The following ARHGEF28 variants were observed in gnomAD, a reference collection of about 807,000 sequenced individuals.
ARHGEF28 encodes 190 kDa guanine nucleotide exchange factor.
In ARHGEF28, 152 loss-of-function variants were observed where a neutral mutation model predicts 206.6. The observed-to-expected ratio is 0.74, with a 90% CI of 0.64 to 0.84. The LOEUF (loss-of-function observed/expected upper bound fraction) is 0.84. Ranked by LOEUF, ARHGEF28 falls within the 40% of genes least tolerant of loss-of-function variation. ARHGEF28 has a pLI of 0.00. For missense variants in ARHGEF28, 2,028 were observed against 2,073.2 expected (o/e 0.98, Z 0.42); for synonymous variants, 763 against 776.4 (o/e 0.98, Z 0.29).
chr5:73,627,497 T>G (rs1395777098), intron 1 of ARHGEF28, among the ~76,000 whole-genome samples: 2 of 152,178 alleles, frequency 1.3e-5, no homozygotes, highest in Non-Finnish European at 1.5e-5. Context: ...CCAAGCGTAG[T>G]GATGACTTCT....
chr5:73,800,623 A>G (rs1395879357), intron 9 of ARHGEF28, among the ~76,000 whole-genome samples: 1 of 152,066 alleles, frequency 6.6e-6, no homozygotes, highest in East Asian at 1.9e-4. Flanking sequence ...ACCCAACTTC[A>G]TACCAAAAAA....
At chr5:73,648,873 T>C (rs1036733838) in intron 1 of ARHGEF28, among the ~76,000 whole-genome samples, 4 of 152,202 alleles carry the variant, frequency 2.6e-5, no homozygotes, top group Non-Finnish European at 5.9e-5. Flanking sequence ...CTCCTTTCCA[T>C]GAATGGTTCT....
At chr5:73,642,195 T>A (rs1409732126) in intron 1 of ARHGEF28, among the ~76,000 whole-genome samples, 1 of 152,250 alleles carries the variant, frequency 6.6e-6, no homozygotes, top group Non-Finnish European at 1.5e-5. Context: ...CCTCTACATT[T>A]GCAGATTTGT....
intron 9 of ARHGEF28, among the ~76,000 whole-genome samples, chr5:73,805,214 A>G (rs1299768728): frequency 6.6e-6 from 1 of 152,048 alleles, no homozygotes; most frequent in Non-Finnish European, 1.5e-5. Context: ...TTAGGGTGGT[A>G]AAGGTGTTCT....
intron 10 of ARHGEF28, among the ~76,000 whole-genome samples, chr5:73,840,068 C>T (rs1016604625): frequency 6.6e-6 from 1 of 152,126 alleles, no homozygotes; most frequent in Non-Finnish European, 1.5e-5. Flanking sequence ...GTTGGTCTTC[C>T]TTTATGTGAA....
chr5:73,695,202 A>C (rs764739523), intron 2 of ARHGEF28, among the ~76,000 whole-genome samples: 3 of 152,194 alleles, frequency 2.0e-5, no homozygotes, highest in Non-Finnish European at 4.4e-5. Context: ...GGTCATGCCC[A>C]TAGGTTGGTG....
At chr5:73,641,575 CT>C (rs1744106501) in intron 1 of ARHGEF28, among the ~76,000 whole-genome samples, 1 of 152,112 alleles carries the variant, frequency 6.6e-6, no homozygotes, top group East Asian at 1.9e-4. Context: ...AAGGATATGG[CT>C]TTTTAATATA....
At chr5:73,641,145 G>A (rs1744066038) in intron 1 of ARHGEF28, among the ~76,000 whole-genome samples, 1 of 152,190 alleles carries the variant, frequency 6.6e-6, no homozygotes, top group South Asian at 2.1e-4. Flanking sequence ...TAGAGGATAA[G>A]ACCACTTGAG....
chr5:73,894,299 G>A (rs1481930614), intron 28 of ARHGEF28, 94 bp from the exon 29 acceptor site: 1 of 1,295,796 alleles, frequency 7.7e-7, no homozygotes, highest in Non-Finnish European at 1.1e-6. Context: ...AGGTCTTACT[G>A]CTTGCTAATT....
At chr5:73,857,004 G>T (rs930672386) in intron 14 of ARHGEF28, among the ~76,000 whole-genome samples, 1 of 152,074 alleles carries the variant, frequency 6.6e-6, no homozygotes, top group African/African-American at 2.4e-5. Flanking sequence ...AAAATAAACG[G>T]TGTTCAGGGT....
At chr5:73,845,150 T>C (rs1050040622) in intron 11 of ARHGEF28, among the ~76,000 whole-genome samples, 2 of 151,388 alleles carry the variant, frequency 1.3e-5, no homozygotes, top group African/African-American at 2.4e-5. Context: ...CCCAAGTAGC[T>C]GGGATTACAG....
chr5:73,712,207 T>C (rs1175176600), intron 2 of ARHGEF28, among the ~76,000 whole-genome samples: 1 of 152,230 alleles, frequency 6.6e-6, no homozygotes, highest in African/African-American at 2.4e-5. Flanking sequence ...TGATAAGTTT[T>C]ATATTTATGT....
intron 7 of ARHGEF28, 93 bp from the exon 8 acceptor site, chr5:73,794,309 C>A: frequency 1.9e-6 from 2 of 1,042,904 alleles, no homozygotes; most frequent in Non-Finnish European, 1.4e-6. Context: ...CAGAAGGCTC[C>A]TGGGCAACTC....
chr5:73,849,680 G>C (rs911828821), intron 13 of ARHGEF28, among the ~76,000 whole-genome samples: 1 of 151,928 alleles, frequency 6.6e-6, no homozygotes, highest in Non-Finnish European at 1.5e-5. Flanking sequence ...TCATAAATAT[G>C]CATCTTGAAT....
At position 73,813,393 on chromosome 5, in the gene ARHGEF28, G is replaced by T. The variant is rs573903412; in HGVS notation, c.1024+18002G>T. 7.1e-6 allele frequency: 8 copies of T among 1,124,672 alleles called. No homozygotes were observed. The East Asian group carries it at 2.0e-4, about 28-fold the overall frequency. The allele number at this position is 1,124,672 out of a possible 1,614,324, so 69.7% of individuals were successfully genotyped here. A position where few individuals can be genotyped will look rare whatever the true frequency, so the allele number is the denominator to read the frequency against. On this transcript the variant is annotated intron_variant, in intron 9 of 35. Transcript: ENST00000513042. ...TGGCTTTAATATTTACAGCCTCCTT[G>T]TCGGTCTACACGCCTGAATGCCCGA...
intron 1 of ARHGEF28, among the ~76,000 whole-genome samples, chr5:73,676,069 C>CTTTTT (rs70973270): frequency 1.5e-4 from 17 of 115,150 alleles, no homozygotes; most frequent in Non-Finnish European, 1.9e-4. Flanking sequence ...ATTTTCTTTT[C>CTTTTT]TTTTTTTTTT....
chr5:73,645,441 G>T (rs539622577), intron 1 of ARHGEF28, among the ~76,000 whole-genome samples: 1 of 152,198 alleles, frequency 6.6e-6, no homozygotes, highest in South Asian at 2.1e-4. Flanking sequence ...TAGCCAAAAT[G>T]AGTATGTAAG....
chr5:73,672,185 AT>A (rs1323057372), intron 1 of ARHGEF28, among the ~76,000 whole-genome samples: 1 of 152,056 alleles, frequency 6.6e-6, no homozygotes, highest in Non-Finnish European at 1.5e-5. Flanking sequence ...AAGTCTATTC[AT>A]TTTTGTCACA....
At chr5:73,759,018 A>G (rs552047016) in intron 4 of ARHGEF28, among the ~76,000 whole-genome samples, 26 of 152,204 alleles carry the variant, frequency 1.7e-4, no homozygotes, top group Non-Finnish European at 3.7e-4. Flanking sequence ...GAACTCTTCT[A>G]TAGGAATGTT....
Sources: allele counts gnomAD v4.1 joint callset (sites outside exome capture counted in the v4.1 genomes callset), GRCh38; gene constraint gnomAD v4.1.1; transcripts MANE v1.5; gene names NCBI Gene and HGNC (gene_info 2026-07-23, HGNC 2026-07-21).